IQCH: variants seen among roughly 807,000 people sequenced by gnomAD.
IQCH encodes IQ domain-containing protein H.
IQCH carries 98 observed loss-of-function variants against 117.0 expected under a neutral mutation model. The ratio of observed to expected loss-of-function variants is 0.84; its 90% CI spans 0.71 to 0.99. The LOEUF is 0.99. Among genes scored for constraint, IQCH ranks in the 50% least tolerant of loss-of-function variants. The probability of loss-of-function intolerance (pLI) is 0.00; values close to 1 mark genes in which losing one functional copy is unlikely to be tolerated. For synonymous variants in IQCH, 412 were observed against 448.2 expected (o/e 0.92, Z 1.02); for missense variants, 1,102 against 1,243.8 (o/e 0.89, Z 1.72).
chr15:67,441,122 CAAAAAAAAAA>C (rs200254535), intron 16 of IQCH, among the ~76,000 whole-genome samples: 8 of 53,974 alleles, frequency 1.5e-4, no homozygotes, highest in African/African-American at 2.8e-4. Context: ...GCAATAGCTG[CAAAAAAAAAA>C]AAAAAAAAAA....
At chr15:67,293,153 AT>A (rs780370504) in intron 4 of IQCH, among the ~76,000 whole-genome samples, 10 of 152,212 alleles carry the variant, frequency 6.6e-5, no homozygotes, top group Non-Finnish European at 1.2e-4. Context: ...TGAGTGTTGT[AT>A]AAGTATTATT....
intron 3 of IQCH, among the ~76,000 whole-genome samples, chr15:67,270,866 A>G (rs1296812758): frequency 6.6e-6 from 1 of 152,194 alleles, no homozygotes; most frequent in Non-Finnish European, 1.5e-5. Context: ...ATTTTATCAG[A>G]TGCCTTTTAG....
In IQCH at chr15:67,376,544, C is replaced by T. The variant is rs1970742927; in HGVS notation, c.1372+3111C>T. On this transcript the variant is annotated intron_variant, in intron 10 of 20. Coordinates refer to ENST00000335894, the MANE Select transcript of IQCH (RefSeq NM_001031715.3). The surrounding 1 kb of genome is among the most constrained non-coding windows in gnomAD (Gnocchi z 5.0). Reference sequence around the variant, plus strand: ...GTAGAATTAGCTCTACAAATAATTACACCATGCTGCTAGCCAATTGGGGCT... The same window carrying T: ...GTAGAATTAGCTCTACAAATAATTATACCATGCTGCTAGCCAATTGGGGCT... 6.6e-6 allele frequency among the ~76,000 whole-genome samples: 1 copy of T among 152,166 alleles called. No individual in the cohort carries two copies. Among genetic ancestry groups the T allele is most frequent in the Non-Finnish European group, 1.5e-5 (1 of 68,014 alleles).
In IQCH at chr15:67,388,785, CA is replaced by C; in HGVS notation, c.1457-45del. 1 of 1,496,672 alleles carries C rather than the reference CA, an allele frequency of 6.7e-7. No homozygotes were observed. Among genetic ancestry groups the C allele is most frequent in the African/African-American group, 1.4e-5 (1 of 72,640 alleles). 92.7% of individuals were successfully genotyped at this position (1,496,672 alleles called of 1,614,324 possible). A position where few individuals can be genotyped will look rare whatever the true frequency, so the allele number is the denominator to read the frequency against. Reference sequence around the variant, plus strand: ...AATCGGATGCCAGAGTTCATAATGTCATTTACCTTCACACCAGTAATTAACA... The same window carrying C: ...AATCGGATGCCAGAGTTCATAATGTCTTTACCTTCACACCAGTAATTAACA... On this transcript the variant is annotated intron_variant, in intron 11 of 20. Transcript: ENST00000335894. The surrounding 1 kb of genome is among the most constrained non-coding windows in gnomAD (Gnocchi z 5.5).
intron 18 of IQCH, among the ~76,000 whole-genome samples, chr15:67,484,197 G>A (rs2141071119): frequency 6.6e-6 from 1 of 152,254 alleles, no homozygotes; most frequent in African/African-American, 2.4e-5. Context: ...CTTGAGCCCA[G>A]GAGTTCGAGA....
At chr15:67,373,285 A>G (rs1408710956) in intron 9 of IQCH, 82 bp from the exon 10 acceptor site, 3 of 843,220 alleles carry the variant, frequency 3.6e-6, no homozygotes, top group East Asian at 4.9e-5. Flanking sequence ...GCTTAACTGT[A>G]CAGTGGAAAA....
intron 16 of IQCH, among the ~76,000 whole-genome samples, chr15:67,423,064 T>C (rs1249487195): frequency 1.3e-5 from 2 of 152,222 alleles, no homozygotes; most frequent in Non-Finnish European, 2.9e-5. Flanking sequence ...TCAATAATCA[T>C]TTTCCATTTG....
rs760146170 is a variant in IQCH at position 67,254,956 on chromosome 15, C to G, written c.51+9C>G. The G allele has an allele frequency of 6.2e-7, 1 of 1,612,312 alleles. No homozygotes were observed. On this transcript the variant is annotated intron_variant, in intron 1 of 20. Transcript: ENST00000335894. ...GATCCATCTTAATCCAGGTGGGAAA[C>G]GGGCTTCCCCCGGCCCTGCCCTGCC...
At chr15:67,367,941 C>T (rs1970393190) in intron 8 of IQCH, among the ~76,000 whole-genome samples, 1 of 152,154 alleles carries the variant, frequency 6.6e-6, no homozygotes, top group South Asian at 2.1e-4. Flanking sequence ...GCTTTGTGAT[C>T]TTGGGCAAGT....
At position 67,359,967 on chromosome 15, in the gene IQCH, T is replaced by C; in HGVS notation, c.753+82T>C. 3.9e-6 allele frequency: 4 copies of C among 1,014,854 alleles called. No individual in the cohort carries two copies. 62.9% of individuals were successfully genotyped at this position (1,014,854 alleles called of 1,614,324 possible). On this transcript the variant is annotated intron_variant, in intron 8 of 20. Coordinates refer to ENST00000335894, the MANE Select transcript of IQCH (RefSeq NM_001031715.3). The surrounding 1 kb of genome is among the most constrained non-coding windows in gnomAD (Gnocchi z 4.5). ...TTTTGCTGCAGGGCAAGAGTATGGG[T>C]GACTGCTTGACAGCTGGAGATGGCA...
chr15:67,350,107 A>C (rs570530081), intron 6 of IQCH, among the ~76,000 whole-genome samples: 1 of 152,360 alleles, frequency 6.6e-6, no homozygotes, highest in African/African-American at 2.4e-5. Context: ...CTTTATTCAT[A>C]ATCACCAAAA....
intron 15 of IQCH, 159 bp from the exon 16 acceptor site, chr15:67,421,132 G>C (rs2081727782): frequency 1.6e-6 from 1 of 622,628 alleles, no homozygotes. Flanking sequence ...ATCTAATGAG[G>C]TAGGCTTTAT....
At chr15:67,307,999 A>G (rs1181304553) in intron 4 of IQCH, among the ~76,000 whole-genome samples, 1 of 152,162 alleles carries the variant, frequency 6.6e-6, no homozygotes, top group Non-Finnish European at 1.5e-5. Context: ...CTGCTTCTGT[A>G]CGTATCAGCA....
At chr15:67,300,227 T>C (rs1450211557) in intron 4 of IQCH, among the ~76,000 whole-genome samples, 1 of 152,162 alleles carries the variant, frequency 6.6e-6, no homozygotes, top group Non-Finnish European at 1.5e-5. Flanking sequence ...AACTCATGGA[T>C]TTTTATATGT....
chr15:67,435,983 A>T (rs1223392099), intron 16 of IQCH, among the ~76,000 whole-genome samples: 1 of 152,166 alleles, frequency 6.6e-6, no homozygotes, highest in Admixed American at 6.5e-5. Context: ...TATTCAGTTT[A>T]ACTTAATTTT....
rs1464724543 is a variant in IQCH, at chr15:67,295,207, AT to A, written c.387+15701del. On this transcript the variant is annotated intron_variant, in intron 4 of 20. Coordinates refer to ENST00000335894, the MANE Select transcript of IQCH (RefSeq NM_001031715.3). ...AATGAAATCAGATGAGTGCCACCTC[AT>A]TTTTTGTGTCAGAGTCTGCTAGTAT... 6.6e-5 allele frequency among the ~76,000 whole-genome samples: 10 copies of A among 152,228 alleles called. No homozygotes were observed. In the East Asian group the frequency reaches 1.9e-3, roughly 29 times the overall value.
rs1008000074 is a variant in IQCH, at chr15:67,473,238, G to T, written c.2677-2458G>T. On this transcript the variant is annotated intron_variant, in intron 17 of 20. Coordinates refer to ENST00000335894, the MANE Select transcript of IQCH (RefSeq NM_001031715.3). The surrounding 1 kb of genome is among the most constrained non-coding windows in gnomAD (Gnocchi z 4.9). ...TTACAGTTCACTTCCATGTGCAAAAGCCCATGCTTCTGGGCTTTTCAGTGT... is the reference window on the plus strand; with the variant it reads ...TTACAGTTCACTTCCATGTGCAAAATCCCATGCTTCTGGGCTTTTCAGTGT... Among the ~76,000 whole-genome samples the T allele has an allele frequency of 7.2e-5, 11 of 152,196 alleles. No homozygotes were observed. Among genetic ancestry groups the T allele is most frequent in the Non-Finnish European group, 1.3e-4 (9 of 68,024 alleles).
At chr15:67,284,761 A>G (rs1191443073) in intron 4 of IQCH, among the ~76,000 whole-genome samples, 4 of 152,148 alleles carry the variant, frequency 2.6e-5, no homozygotes, top group Non-Finnish European at 5.9e-5. Context: ...CTCCAGCTCC[A>G]TTCATGTCCC....
intron 1 of IQCH, among the ~76,000 whole-genome samples, chr15:67,256,456 T>TA (rs1965208809): frequency 1.3e-5 from 2 of 152,190 alleles, no homozygotes; most frequent in African/African-American, 4.8e-5. Flanking sequence ...TCTGAGCTGA[T>TA]ACAGCGTGGA....
Sources: gnomAD v4.1 joint callset for allele counts (sites outside exome capture counted in the v4.1 genomes callset) on GRCh38, gnomAD v4.1.1 for gene constraint, Gnocchi (gnomAD v3.1) non-coding constraint, MANE v1.5 for transcripts, NCBI Gene and HGNC (gene_info 2026-07-23, HGNC 2026-07-21) for gene names.